PARP11: variants seen among roughly 807,000 people sequenced by gnomAD.
PARP11 encodes the protein protein mono-ADP-ribosyltransferase PARP11.
In PARP11, 31 loss-of-function variants were observed where a neutral mutation model predicts 42.9. The ratio of observed to expected loss-of-function variants is 0.72; its 90% CI spans 0.54 to 0.98. The LOEUF is 0.98. PARP11 is among the 50% of genes least tolerant of loss of function. The pLI is 0.00. For missense variants in PARP11, 365 were observed against 413.1 expected (o/e 0.88, Z 1.01); for synonymous variants, 137 against 127.3 (o/e 1.08, Z -0.51).
At chr12:3,828,241 T>C (rs1273178345) in intron 3 of PARP11, among the ~76,000 whole-genome samples, 4 of 152,180 alleles carry the variant, frequency 2.6e-5, no homozygotes, top group Non-Finnish European at 1.5e-5. Context: ...TTAACATCTG[T>C]TTGATCCTTA....
chr12:3,812,054 T>A lies in PARP11; in HGVS notation c.*69A>T, dbSNP rs1591754207. 8.5e-7 allele frequency: 1 copy of A among 1,171,406 alleles called. No homozygotes were observed. 72.6% of individuals were successfully genotyped at this position (1,171,406 alleles called of 1,614,324 possible). ...AGATAATTAACATTTAGTGGCTAGA[T>A]GACTGAAGAGCAAACCTTCCTGCAA... On this transcript the variant is annotated 3_prime_UTR_variant, in exon 8 of 8. Coordinates refer to ENST00000228820, the MANE Select transcript of PARP11 (RefSeq NM_020367.6).
In PARP11 at chr12:3,809,413, C is replaced by A. The variant is rs1438987786; in HGVS notation, c.*2710G>T. On this transcript the variant is annotated 3_prime_UTR_variant, in exon 8 of 8. Transcript: ENST00000228820. ...ACAACAACAACAAGCCCCAAAAAAC[C>A]GGTATAGTACCTTCTTACAATGGCT... The A allele has an allele frequency of 6.6e-6, 1 of 152,148 alleles. No individual in the cohort carries two copies. Among genetic ancestry groups the A allele is most frequent in the Non-Finnish European group, 1.5e-5 (1 of 68,032 alleles). 9.4% of individuals were successfully genotyped at this position (152,148 alleles called of 1,614,324 possible). A position where few individuals can be genotyped will look rare whatever the true frequency, so the allele number is the denominator to read the frequency against.
chr12:3,849,134 T>C (rs1009709596), intron 1 of PARP11, among the ~76,000 whole-genome samples: 1 of 152,020 alleles, frequency 6.6e-6, no homozygotes, highest in East Asian at 1.9e-4. Context: ...TCAGTTAAAA[T>C]AGCTTTTATA....
chr12:3,863,673 C>T (rs1423992693), intron 1 of PARP11, among the ~76,000 whole-genome samples: 4 of 152,186 alleles, frequency 2.6e-5, no homozygotes, highest in Admixed American at 6.5e-5. Flanking sequence ...AGGTTCCAAG[C>T]GTCCCTTCCC....
chr12:3,840,348 T>A lies in PARP11; in HGVS notation c.19-10330A>T. 1 of 1,614,158 alleles carries A rather than the reference T, an allele frequency of 6.2e-7. No homozygotes were observed. Among genetic ancestry groups the A allele is most frequent in the East Asian group, 2.2e-5 (1 of 44,888 alleles). On this transcript the variant is annotated intron_variant, in intron 1 of 7. Transcript: ENST00000228820. The surrounding 1 kb of genome is among the most constrained non-coding windows in gnomAD (Gnocchi z 4.4). ...GGAAGAAGATGAAAAAACCTTCCACTTCTGGACAAAATTTCCATTCTGATA... is the reference window on the plus strand; with the variant it reads ...GGAAGAAGATGAAAAAACCTTCCACATCTGGACAAAATTTCCATTCTGATA...
intron 4 of PARP11, among the ~76,000 whole-genome samples, chr12:3,822,555 C>T (rs954266980): frequency 1.3e-5 from 2 of 148,170 alleles, no homozygotes; most frequent in Admixed American, 1.4e-4. Context: ...GCCGAGATTG[C>T]GCCACTGCAC....
rs1343451515 is a variant in PARP11, at chr12:3,861,869, A to T, written c.18+11343T>A. Among the ~76,000 whole-genome samples, 2 of 152,112 alleles carry T rather than the reference A, an allele frequency of 1.3e-5. No homozygotes were observed. The highest frequency in any genetic ancestry group is 3.9e-4 in the East Asian group (2 of 5,152). On this transcript the variant is annotated intron_variant, in intron 1 of 7. Coordinates refer to ENST00000228820, the MANE Select transcript of PARP11 (RefSeq NM_020367.6). The surrounding 1 kb of genome is among the most constrained non-coding windows in gnomAD (Gnocchi z 4.6). ...GAAACCCCGTCTCTACCAAAAATAC[A>T]AAAAAATTAGCCAGGCGTGGTGGAG... is the stretch of plus-strand genomic sequence containing the variant.
At position 3,853,388 on chromosome 12, in the gene PARP11, C is replaced by G. The variant is rs1948133346; in HGVS notation, c.18+19824G>C. ...CATCAGTGTGCTGCATTCAGGAGAC[C>G]CATCTCACGTGCAGAGACACACACA... On this transcript the variant is annotated intron_variant, in intron 1 of 7. Coordinates refer to ENST00000228820, the MANE Select transcript of PARP11 (RefSeq NM_020367.6). 2.0e-5 allele frequency among the ~76,000 whole-genome samples: 3 copies of G among 152,154 alleles called. No homozygotes were observed. In the South Asian group the frequency reaches 6.2e-4, roughly 32 times the overall value.
chr12:3,850,360 A>T (rs1801624414), intron 1 of PARP11, among the ~76,000 whole-genome samples: 1 of 152,082 alleles, frequency 6.6e-6, no homozygotes, highest in Admixed American at 6.6e-5. Flanking sequence ...AAAATCCAAA[A>T]CTTTTTGAGA....
chr12:3,856,789 A>T (rs552550951), intron 1 of PARP11, among the ~76,000 whole-genome samples: 2 of 152,312 alleles, frequency 1.3e-5, no homozygotes, highest in East Asian at 3.9e-4. Flanking sequence ...TATATACCCA[A>T]AGGATTATAA....
chr12:3,860,978 C>T (rs528740988), intron 1 of PARP11, among the ~76,000 whole-genome samples: 1 of 152,178 alleles, frequency 6.6e-6, no homozygotes, highest in Non-Finnish European at 1.5e-5. Context: ...AAACTCAGAC[C>T]ACCATTGCAT....
rs996523720 is a variant in PARP11 at position 3,861,767 on chromosome 12, G to C, written c.18+11445C>G. Among the ~76,000 whole-genome samples, 1 of 151,636 alleles carries C rather than the reference G, an allele frequency of 6.6e-6. No individual in the cohort carries two copies. Among genetic ancestry groups the C allele is most frequent in the Non-Finnish European group, 1.5e-5 (1 of 67,928 alleles). Reference sequence around the variant, plus strand: ...TGGCCAGGCGTGGTGGCTCACGCCTGTAATCCCAGTACTTTGGGAGGCCGA... The same window carrying C: ...TGGCCAGGCGTGGTGGCTCACGCCTCTAATCCCAGTACTTTGGGAGGCCGA... On this transcript the variant is annotated intron_variant, in intron 1 of 7. Transcript: ENST00000228820. The surrounding 1 kb of genome is among the most constrained non-coding windows in gnomAD (Gnocchi z 4.6).
Position 3,810,724 on chromosome 12 carries a change from GAGAA to G in PARP11, c.*1395_*1398del, listed in dbSNP as rs1188566011. 3 of 149,032 alleles carry G rather than the reference GAGAA, an allele frequency of 2.0e-5. No homozygotes were observed. The highest frequency in any genetic ancestry group is 3.0e-5 in the Non-Finnish European group (2 of 67,214). 9.2% of individuals were successfully genotyped at this position (149,032 alleles called of 1,614,324 possible). On this transcript the variant is annotated 3_prime_UTR_variant, in exon 8 of 8. Transcript: ENST00000228820. ...GAAGAGAGAGAGAAGAGAAGAGAAAGAGAAAGAGAAAGAGGAAGAGAAAAAGGAA... is the reference window on the plus strand; with the variant it reads ...GAAGAGAGAGAGAAGAGAAGAGAAAGAGAGAAAGAGGAAGAGAAAAAGGAA...
chr12:3,857,975 T>A (rs1948222034), intron 1 of PARP11, among the ~76,000 whole-genome samples: 1 of 152,134 alleles, frequency 6.6e-6, no homozygotes, highest in Non-Finnish European at 1.5e-5. Flanking sequence ...TCAAAAGTAG[T>A]TTAGCATGGA....
At chr12:3,853,601 T>C (rs1948138501) in intron 1 of PARP11, among the ~76,000 whole-genome samples, 1 of 152,198 alleles carries the variant, frequency 6.6e-6, no homozygotes, top group Admixed American at 6.5e-5. Flanking sequence ...TAAATATATA[T>C]GCACCCAATA....
chr12:3,871,721 C>T lies in PARP11; in HGVS notation c.18+1491G>A, dbSNP rs141683889. ...CCTTACCAGGCAGTTTCAACCATAA[C>T]AACAGAAGAATACTCTTGGCAAATA... On this transcript the variant is annotated intron_variant, in intron 1 of 7. Coordinates refer to ENST00000228820, the MANE Select transcript of PARP11 (RefSeq NM_020367.6). 4.0e-3 allele frequency: 603 copies of T among 152,278 alleles called. 4 individuals carry two copies. The highest frequency in any genetic ancestry group is 0.013 in the African/African-American group (558 of 41,548). 9.4% of individuals were successfully genotyped at this position (152,278 alleles called of 1,614,324 possible).
intron 1 of PARP11, among the ~76,000 whole-genome samples, chr12:3,851,841 G>T (rs1948100854): frequency 6.6e-6 from 1 of 152,204 alleles, no homozygotes; most frequent in African/African-American, 2.4e-5. Flanking sequence ...TAGCTTAACT[G>T]GGAGACACCT....
intron 1 of PARP11, among the ~76,000 whole-genome samples, chr12:3,859,220 G>T (rs1024583341): frequency 6.6e-6 from 1 of 151,906 alleles, no homozygotes; most frequent in African/African-American, 2.4e-5. Flanking sequence ...TTATTATATA[G>T]ATGTGAATAT....
chr12:3,848,384 C>T (rs1419953699), intron 1 of PARP11, among the ~76,000 whole-genome samples: 2 of 151,994 alleles, frequency 1.3e-5, no homozygotes, highest in Non-Finnish European at 2.9e-5. Context: ...GGCTAGAGGC[C>T]TCACATTACC....
Sources: allele counts gnomAD v4.1 joint callset (sites outside exome capture counted in the v4.1 genomes callset), GRCh38; gene constraint gnomAD v4.1.1; non-coding constraint Gnocchi (gnomAD v3.1); transcripts MANE v1.5; gene names NCBI Gene and HGNC (gene_info 2026-07-23, HGNC 2026-07-21).